The following CUX1 variants were observed in gnomAD, a reference collection of about 807,000 sequenced individuals.
CUX1 encodes protein CASP.
In CUX1, 31 loss-of-function variants were observed where a neutral mutation model predicts 158.8. That is an observed-to-expected ratio of 0.20 (90% CI 0.15 to 0.26). The LOEUF is 0.26. CUX1 is among the 10% of genes least tolerant of loss of function. The pLI is 1.00. For synonymous variants in CUX1, 879 were observed against 862.1 expected (o/e 1.02, Z -0.34); for missense variants, 1,589 against 2,014.6 (o/e 0.79, Z 4.04).
intron 3 of CUX1, among the ~76,000 whole-genome samples, chr7:102,060,608 A>ACACAC (rs1824723298): frequency 1.2e-4 from 16 of 133,304 alleles, no homozygotes; most frequent in East Asian, 9.2e-4. Context: ...CACACAAATA[A>ACACAC]ACACACACAC....
chr7:101,863,412 A>G (rs949407559), intron 1 of CUX1, among the ~76,000 whole-genome samples: 1 of 148,276 alleles, frequency 6.7e-6, no homozygotes, highest in East Asian at 2.0e-4. Context: ...GTGCAGTGGC[A>G]TGATCTTGGC....
rs1295515666 is a variant in CUX1 at position 102,202,341 on chromosome 7, G to C, written c.2907+137G>C. 5 of 1,222,470 alleles carry C rather than the reference G, an allele frequency of 4.1e-6. No individual in the cohort carries two copies. The East Asian group carries it at 9.9e-5, about 24-fold the overall frequency. 75.7% of individuals were successfully genotyped at this position (1,222,470 alleles called of 1,614,324 possible). On this transcript the variant is annotated intron_variant, in intron 18 of 23. Coordinates refer to ENST00000292535, the MANE Select transcript of CUX1 (RefSeq NM_181552.4). ...GAGCGTAAGGCATCCTCTGCTCCCA[G>C]ACTTCCAAGGTGCGGCTGGTGAACA...
At chr7:102,223,703 T>C (rs1798060913) in intron 20 of CUX1, among the ~76,000 whole-genome samples, 1 of 152,156 alleles carries the variant, frequency 6.6e-6, no homozygotes, top group South Asian at 2.1e-4. Flanking sequence ...GCGCGGTGGC[T>C]CACACCTGTA....
At chr7:102,150,251 G>C (rs568124660) in intron 8 of CUX1, among the ~76,000 whole-genome samples, 2 of 152,162 alleles carry the variant, frequency 1.3e-5, no homozygotes, top group Admixed American at 1.3e-4. Flanking sequence ...TGTGACCGGG[G>C]TTCAAGCGAT....
At chr7:102,040,858 G>T (rs757877783) in intron 3 of CUX1, among the ~76,000 whole-genome samples, 1 of 152,198 alleles carries the variant, frequency 6.6e-6, no homozygotes, top group Non-Finnish European at 1.5e-5. Context: ...TCTGTAAAAC[G>T]AGTGGGTTAC....
intron 1 of CUX1, among the ~76,000 whole-genome samples, chr7:101,828,707 T>TG (rs35680862): frequency 0.59 from 89,909 of 151,970 alleles, 27,328 homozygotes; most frequent in African/African-American, 0.73. Context: ...ATAGGCTTTG[T>TG]GCCTCTTCAT....
Position 102,057,209 on chromosome 7 carries a change from C to A in CUX1, c.190-13130C>A, listed in dbSNP as rs549334317. Among the ~76,000 whole-genome samples the A allele has an allele frequency of 1.3e-3, 203 of 152,262 alleles. 3 individuals are homozygous for A. Among genetic ancestry groups the A allele is most frequent in the Admixed American group, 0.012 (188 of 15,288 alleles). ...AGCCACCGCGCCTAGCCGAAAGGTT[C>A]TTTTCAAAATATGACTGCTCATTGA... On this transcript the variant is annotated intron_variant, in intron 3 of 23. Transcript: ENST00000292535.
intron 8 of CUX1, among the ~76,000 whole-genome samples, chr7:102,153,040 A>T (rs1350132559): frequency 6.6e-6 from 1 of 152,248 alleles, no homozygotes; most frequent in Admixed American, 6.5e-5. Context: ...GGATTGCCTC[A>T]CACTGCCAAG....
chr7:102,014,968 C>G (rs796522919), intron 2 of CUX1, among the ~76,000 whole-genome samples: 1 of 152,084 alleles, frequency 6.6e-6, no homozygotes, highest in Admixed American at 6.6e-5. Flanking sequence ...ACCCTGCCTC[C>G]GTGTCCACCA....
rs1554528950 is a variant in CUX1, at chr7:102,227,374, T to C, written c.3138T>C (p.Thr1046=). ...LQQGCVSSES[T]PKTSASCSPA... ...CGTGTGCTTTAATTACAGAAAGCACTCCAAAGACCTCCGCCAGCTGCAGCC... is the reference window on the plus strand; with the variant it reads ...CGTGTGCTTTAATTACAGAAAGCACCCCAAAGACCTCCGCCAGCTGCAGCC... Residue 1046 remains threonine, a synonymous_variant, in exon 21 of 24, where the codon ACT becomes ACC. Transcript: ENST00000292535. 2 of 1,605,702 alleles carry C rather than the reference T, an allele frequency of 1.2e-6. No individual in the cohort carries two copies. The highest frequency in any genetic ancestry group is 1.7e-5 in the Admixed American group (1 of 59,802).
intron 3 of CUX1, among the ~76,000 whole-genome samples, chr7:102,066,460 G>A (rs1023685163): frequency 4.6e-5 from 7 of 152,092 alleles, no homozygotes; most frequent in African/African-American, 9.7e-5. Flanking sequence ...GAAGTGTGCC[G>A]TGCAAATTAC....
At chr7:101,889,903 C>T (rs535856650) in intron 1 of CUX1, among the ~76,000 whole-genome samples, 6 of 152,344 alleles carry the variant, frequency 3.9e-5, no homozygotes, top group African/African-American at 1.2e-4. Context: ...GAAACTCTCT[C>T]GCGATCCCAG....
At chr7:102,211,760 CAA>C (rs1563415932) in intron 20 of CUX1, among the ~76,000 whole-genome samples, 1 of 107,812 alleles carries the variant, frequency 9.3e-6, no homozygotes. Context: ...AGCAGGGTGA[CAA>C]GAGTGAAACT....
chr7:101,978,666 A>C (rs1178214224), intron 2 of CUX1, among the ~76,000 whole-genome samples: 1 of 152,164 alleles, frequency 6.6e-6, no homozygotes, highest in Non-Finnish European at 1.5e-5. Flanking sequence ...CGTCGCCCTC[A>C]CTGGCTGGGC....
At chr7:102,030,446 C>T (rs935217367) in intron 3 of CUX1, among the ~76,000 whole-genome samples, 1 of 144,474 alleles carries the variant, frequency 6.9e-6, no homozygotes, top group Non-Finnish European at 1.5e-5. Flanking sequence ...GTCCCTCAAA[C>T]ACACGTGGAA....
intron 2 of CUX1, among the ~76,000 whole-genome samples, chr7:102,002,190 C>T (rs1005674807): frequency 2.6e-5 from 4 of 152,190 alleles, no homozygotes; most frequent in Non-Finnish European, 5.9e-5. Flanking sequence ...GTCCCAGCTA[C>T]TCCAGAGGCT....
intron 2 of CUX1, among the ~76,000 whole-genome samples, chr7:101,988,834 T>C (rs1814693273): frequency 6.6e-6 from 1 of 151,824 alleles, no homozygotes; most frequent in Admixed American, 6.6e-5. Flanking sequence ...ATTCCATCTC[T>C]ACAAAAAAAT....
intron 2 of CUX1, among the ~76,000 whole-genome samples, chr7:102,009,006 C>A (rs775861923): frequency 2.0e-5 from 3 of 152,098 alleles, no homozygotes; most frequent in African/African-American, 7.2e-5. Context: ...CCCTCGGCCC[C>A]GCGTGCTCCA....
chr7:101,990,961 C>T (rs1815034387), intron 2 of CUX1, among the ~76,000 whole-genome samples: 1 of 152,184 alleles, frequency 6.6e-6, no homozygotes, highest in Admixed American at 6.5e-5. Flanking sequence ...CTCTTTTCCT[C>T]TCAGATATGT....
Sources: gnomAD v4.1 joint callset for allele counts (sites outside exome capture counted in the v4.1 genomes callset) on GRCh38, gnomAD v4.1.1 for gene constraint, MANE v1.5 for transcripts, NCBI Gene and HGNC (gene_info 2026-07-23, HGNC 2026-07-21) for gene names.